The following CRYAB variants were observed in gnomAD, a reference collection of about 807,000 sequenced individuals.
CRYAB encodes crystallin alpha B.
CRYAB carries 9 observed loss-of-function variants against 12.7 expected under a neutral mutation model. That is an observed-to-expected ratio of 0.71 (90% CI 0.43 to 1.24). The LOEUF (loss-of-function observed/expected upper bound fraction) is 1.24. Ranked by LOEUF, CRYAB falls within the 50% of genes most tolerant of loss-of-function variation. The probability of loss-of-function intolerance (pLI) is 0.00; values close to 1 mark genes in which losing one functional copy is unlikely to be tolerated. For missense variants in CRYAB, 183 were observed against 226.6 expected (o/e 0.81, Z 1.24); for synonymous variants, 93 against 86.8 (o/e 1.07, Z -0.40).
intron 1 of CRYAB, chr11:111,919,033 C>T: frequency 1.2e-6 from 2 of 1,613,764 alleles, no homozygotes; most frequent in Non-Finnish European, 1.7e-6. Context: ...CAAAGGGGAA[C>T]ATCTATCTCT....
At chr11:111,909,032 A>G (rs1965368248) in intron 2 of CRYAB, 65 bp from the exon 3 acceptor site, 1 of 1,540,896 alleles carries the variant, frequency 6.5e-7, no homozygotes, top group African/African-American at 1.4e-5. Context: ...ACCTGCCCAG[A>G]ACTCAGGCAT....
At chr11:111,910,496 A>G (rs1555165436) in intron 1 of CRYAB, 47 bp from the exon 2 acceptor site, 3 of 1,610,646 alleles carry the variant, frequency 1.9e-6, no homozygotes, top group Admixed American at 3.3e-5. Context: ...AGAGGGCAAA[A>G]ATACTGATTA....
intron 1 of CRYAB, among the ~76,000 whole-genome samples, chr11:111,911,078 T>C (rs1212840419): frequency 2.6e-5 from 4 of 152,018 alleles, no homozygotes; most frequent in Admixed American, 6.5e-5. Context: ...CAGAAAATCA[T>C]AGAAGAGGGA....
Position 111,911,697 on chromosome 11 carries a change from T to G in CRYAB, c.28A>C (p.Ile10Leu). 1.9e-6 allele frequency: 3 copies of G among 1,596,610 alleles called. No individual in the cohort carries two copies. Among genetic ancestry groups the G allele is most frequent in the Non-Finnish European group, 2.6e-6 (3 of 1,171,744 alleles). MDIAIHHPW[I>L]RRPFFPFHSP... ...TGGAAAGGAAAGAAGGGGCGGCGGATCCAGGGGTGGTGGATGGCGATGTCC... is the reference window on the plus strand; with the variant it reads ...TGGAAAGGAAAGAAGGGGCGGCGGAGCCAGGGGTGGTGGATGGCGATGTCC... The change falls in exon 1 of 3, where the codon ATC becomes CTC. Residue 10 changes from isoleucine (I) to leucine (L), a missense_variant. This residue lies in a region of CRYAB where 86 missense variants were observed against 96.1 expected (regional missense o/e 0.89). Coordinates refer to ENST00000650687, the MANE Select transcript of CRYAB (RefSeq NM_001289808.2).
chr11:111,913,939 A>G (rs782181947), upstream of CRYAB: 1 of 1,496,706 alleles, frequency 6.7e-7, no homozygotes, highest in East Asian at 2.3e-5. Context: ...CTACCTCCCA[A>G]GGTGATATGG....
intron 1 of CRYAB, among the ~76,000 whole-genome samples, chr11:111,922,320 C>T (rs1489918006): frequency 6.6e-6 from 1 of 152,128 alleles, no homozygotes; most frequent in Non-Finnish European, 1.5e-5. Flanking sequence ...AAACTTTGTT[C>T]TCTATTTTTT....
chr11:111,918,848 C>A, intron 1 of CRYAB: 2 of 1,124,140 alleles, frequency 1.8e-6, no homozygotes, highest in South Asian at 1.3e-5. Context: ...GTCCAACCTG[C>A]TAGGTTGAAA....
rs1555165243 is a variant in CRYAB, at chr11:111,908,888, G to T, written c.404C>A (p.Ser135Ter). The T allele has an allele frequency of 3.1e-6, 5 of 1,614,048 alleles. No individual in the cohort carries two copies. In the African/African-American group the frequency reaches 6.7e-5, roughly 22 times the overall value. The change falls in exon 3 of 3, where the codon TCA becomes TAA. Residue 135 changes from serine (S) to a stop codon, truncating the protein, a stop_gained. Coordinates refer to ENST00000650687, the MANE Select transcript of CRYAB (RefSeq NM_001289808.2). LOFTEE classifies it high-confidence loss of function. The stretch of plus-strand genomic sequence containing the variant: ...GAGGACCCCATCAGATGACAGGGAT[G>T]AAGTAATGGTGAGAGGGTCTACATC... ...PADVDPLTIT[S>*]SLSSDGVLTV...
upstream of CRYAB, among the ~76,000 whole-genome samples, chr11:111,917,681 A>ATTT (rs782338964): frequency 7.0e-6 from 1 of 143,110 alleles, no homozygotes; most frequent in Admixed American, 7.0e-5. Context: ...CTCTAAAAAG[A>ATTT]TTTTTTTTTT....
upstream of CRYAB, chr11:111,912,598 G>T: frequency 1.7e-6 from 1 of 577,470 alleles, no homozygotes; most frequent in Non-Finnish European, 3.1e-6. Flanking sequence ...CAGCTGAAGA[G>T]TGTGCGGGGG....
upstream of CRYAB, among the ~76,000 whole-genome samples, chr11:111,915,579 G>A (rs782466810): frequency 5.3e-5 from 8 of 152,130 alleles, no homozygotes; most frequent in Non-Finnish European, 8.8e-5. Flanking sequence ...TTGTAACTGA[G>A]CTTTATTTAA....
chr11:111,913,193 C>T (rs901721845), upstream of CRYAB: 2 of 604,144 alleles, frequency 3.3e-6, no homozygotes, highest in South Asian at 2.0e-5. Flanking sequence ...CCACCCAGGC[C>T]GTTTGGTGCC....
chr11:111,910,465 T>C lies in CRYAB; in HGVS notation c.202-16A>G, dbSNP rs781953322. ...CCAGGCGCATCTAGAAATAGCAAGG[T>C]AAGGGAATGGGATGGGAGAAAGAGG... On this transcript the variant is annotated splice_polypyrimidine_tract_variant and intron_variant, in intron 1 of 2. Transcript: ENST00000650687. 64 of 1,613,874 alleles carry C rather than the reference T, an allele frequency of 4.0e-5. 1 individual carries two copies. In the South Asian group the frequency reaches 6.5e-4, roughly 16 times the overall value.
upstream of CRYAB, chr11:111,912,497 G>C (rs1218692784): frequency 9.3e-6 from 4 of 428,618 alleles, no homozygotes; most frequent in Admixed American, 1.5e-4. Context: ...GGGTCTCAGC[G>C]AGGCCTCTTC....
chr11:111,912,869 G>A (rs1555165760), upstream of CRYAB: 1 of 1,609,212 alleles, frequency 6.2e-7, no homozygotes, highest in Non-Finnish European at 8.5e-7. Flanking sequence ...CCCGGCCACC[G>A]CCGAGTACGA....
At chr11:111,913,621 C>T, upstream of CRYAB, 1 of 1,614,204 alleles carries the variant, frequency 6.2e-7, no homozygotes. Flanking sequence ...ACTGTGAGGA[C>T]TGTGGATAAC....
chr11:111,917,675 A>T (rs1370260925), upstream of CRYAB, among the ~76,000 whole-genome samples: 1 of 151,012 alleles, frequency 6.6e-6, no homozygotes, highest in Non-Finnish European at 1.5e-5. Context: ...CCTTGTCTCT[A>T]AAAAGATTTT....
At chr11:111,921,838 ATT>A (rs34183951) in intron 1 of CRYAB, among the ~76,000 whole-genome samples, 9 of 148,178 alleles carry the variant, frequency 6.1e-5, no homozygotes, top group East Asian at 2.0e-4. Context: ...TATCATACTC[ATT>A]TTTTTTTTTT....
At chr11:111,921,639 A>C (rs1965700694) in intron 1 of CRYAB, among the ~76,000 whole-genome samples, 2 of 152,330 alleles carry the variant, frequency 1.3e-5, no homozygotes, top group South Asian at 4.1e-4. Flanking sequence ...GAGATGTAAC[A>C]GCTTCTTTTA....
Sources: allele counts gnomAD v4.1 joint callset (sites outside exome capture counted in the v4.1 genomes callset), GRCh38; gene constraint gnomAD v4.1.1; regional missense constraint gnomAD v4.1.1; transcripts MANE v1.5; gene names NCBI Gene and HGNC (gene_info 2026-07-23, HGNC 2026-07-21).